PEX14: variants seen among roughly 807,000 people sequenced by gnomAD.
PEX14 encodes peroxisomal biogenesis factor 14, also known as peroxisomal membrane protein PEX14.
PEX14 carries 15 observed loss-of-function variants against 49.5 expected under a neutral mutation model. The ratio of observed to expected loss-of-function variants is 0.30; its 90% CI spans 0.20 to 0.47. PEX14 has a LOEUF of 0.47. PEX14 is among the 20% of genes least tolerant of loss of function. The pLI is 1.00. For synonymous variants in PEX14, 210 were observed against 212.7 expected, an observed-to-expected ratio of 0.99 and a Z score of 0.11; for missense variants, 398 against 494.8, an observed-to-expected ratio of 0.80 and a Z score of 1.86.
intron 3 of PEX14, among the ~76,000 whole-genome samples, chr1:10,545,165 A>G (rs1639132000): frequency 6.6e-6 from 1 of 152,146 alleles, no homozygotes; most frequent in African/African-American, 2.4e-5. Flanking sequence ...AAGTTTGGCC[A>G]TGTTGTTGTA....
Position 10,560,725 on chromosome 1 carries a change from T to TA in PEX14, c.169+24428_169+24429insA, listed in dbSNP as rs555374662. On this transcript the variant is annotated intron_variant, in intron 3 of 8. Transcript: ENST00000356607. ...TTGTTAACATTTTGCCACCTTTTTTTTTTTTTTTTTGAGACGGAGTCTTGC... is the reference window on the plus strand; with the variant it reads ...TTGTTAACATTTTGCCACCTTTTTTTATTTTTTTTTTGAGACGGAGTCTTGC... 3.3e-5 allele frequency among the ~76,000 whole-genome samples: 5 copies of TA among 150,350 alleles called. No homozygotes were observed. The East Asian group carries it at 9.8e-4, about 29-fold the overall frequency.
chr1:10,569,450 C>T (rs1639908001), intron 3 of PEX14, among the ~76,000 whole-genome samples: 1 of 152,200 alleles, frequency 6.6e-6, no homozygotes, highest in South Asian at 2.1e-4. Context: ...CCCGCCCTCC[C>T]ACTGCAGTCT....
At chr1:10,488,122 G>C (rs1468018232) in intron 1 of PEX14, among the ~76,000 whole-genome samples, 1 of 152,006 alleles carries the variant, frequency 6.6e-6, no homozygotes, top group African/African-American at 2.4e-5. Context: ...TATATATTTA[G>C]TTTTAAAAAT....
rs935971896 is a variant in PEX14 at position 10,630,183 on chromosome 1, GCCAGCC to G, written c.*219_*224del. On this transcript the variant is annotated 3_prime_UTR_variant, in exon 9 of 9. Transcript: ENST00000356607. The surrounding 1 kb of genome is among the most constrained non-coding windows in gnomAD (Gnocchi z 4.1). The stretch of plus-strand genomic sequence containing the variant: ...CCACCTGGCCTCCTCTCGCCTGGCC[GCCAGCC>G]CCAGCCCCAGCCCCAGCCCCAGGCC... 21 of 828,336 alleles carry G rather than the reference GCCAGCC, an allele frequency of 2.5e-5. No individual in the cohort carries two copies. Among genetic ancestry groups the G allele is most frequent in the East Asian group, 1.4e-4 (5 of 37,024 alleles). 51.3% of individuals were successfully genotyped at this position (828,336 alleles called of 1,614,324 possible). A position where few individuals can be genotyped will look rare whatever the true frequency, so the allele number is the denominator to read the frequency against.
Position 10,495,050 on chromosome 1 carries a change from C to G in PEX14, c.37-224C>G, listed in dbSNP as rs1641534624. 2.1e-6 allele frequency: 2 copies of G among 964,276 alleles called. No individual in the cohort carries two copies. Among genetic ancestry groups the G allele is most frequent in the South Asian group, 9.6e-5 (2 of 20,900 alleles). 59.7% of individuals were successfully genotyped at this position (964,276 alleles called of 1,614,324 possible). A position where few individuals can be genotyped will look rare whatever the true frequency, so the allele number is the denominator to read the frequency against. ...AAGCCTTGTTCTTGGAGTGGTGTGA[C>G]AAGTGAACCCAGAAACAGTCTTCAT... On this transcript the variant is annotated intron_variant, in intron 1 of 8. Coordinates refer to ENST00000356607, the MANE Select transcript of PEX14 (RefSeq NM_004565.3). This position sits in a 1 kb window ranked among gnomAD's most constrained non-coding sequence, Gnocchi z 4.2.
At chr1:10,603,231 C>T (rs1436503739) in intron 4 of PEX14, among the ~76,000 whole-genome samples, 4 of 152,192 alleles carry the variant, frequency 2.6e-5, no homozygotes, top group African/African-American at 4.8e-5. Context: ...ATCTACTATA[C>T]GGTCAGTACT....
At chr1:10,614,807 T>C (rs1228046628) in intron 4 of PEX14, among the ~76,000 whole-genome samples, 3 of 152,198 alleles carry the variant, frequency 2.0e-5, no homozygotes, top group Non-Finnish European at 4.4e-5. Context: ...GCAGGGACTC[T>C]GAGAGAGCGG....
At chr1:10,536,099 G>T in intron 2 of PEX14, 114 bp from the exon 3 acceptor site, 1 of 754,384 alleles carries the variant, frequency 1.3e-6, no homozygotes, top group South Asian at 1.4e-5. Flanking sequence ...TTATAAATTT[G>T]ACCACAATAG....
At position 10,594,477 on chromosome 1, in the gene PEX14, G is replaced by A. The variant is rs533842563; in HGVS notation, c.170-4761G>A. ...TCACTGGCCCCCTGGCCCTGTTCCC[G>A]TGATCCCAGTCAGATGCCACATTTT... On this transcript the variant is annotated intron_variant, in intron 3 of 8. Transcript: ENST00000356607. 3.3e-5 allele frequency among the ~76,000 whole-genome samples: 5 copies of A among 152,318 alleles called. No homozygotes were observed. The East Asian group carries it at 7.7e-4, about 24-fold the overall frequency.
intron 1 of PEX14, among the ~76,000 whole-genome samples, chr1:10,483,178 CA>C (rs915115535): frequency 3.7e-4 from 57 of 152,284 alleles, no homozygotes; most frequent in African/African-American, 1.3e-3. Context: ...ATTTTTGAGA[CA>C]GGGTCTCACT....
Position 10,514,036 on chromosome 1 carries a change from A to G in PEX14, c.84+18715A>G, listed in dbSNP as rs1433809449. Among the ~76,000 whole-genome samples, 1 of 152,186 alleles carries G rather than the reference A, an allele frequency of 6.6e-6. No individual in the cohort carries two copies. Among genetic ancestry groups the G allele is most frequent in the Non-Finnish European group, 1.5e-5 (1 of 68,040 alleles). ...CCGCTCCCTGTAATTATTTAACATT[A>G]TATGCTGATATAAATTGTAACAGTT... On this transcript the variant is annotated intron_variant, in intron 2 of 8. Transcript: ENST00000356607. This position sits in a 1 kb window ranked among gnomAD's most constrained non-coding sequence, Gnocchi z 4.4.
At chr1:10,608,336 A>T (rs1056811626) in intron 4 of PEX14, among the ~76,000 whole-genome samples, 3 of 152,220 alleles carry the variant, frequency 2.0e-5, no homozygotes, top group African/African-American at 7.2e-5. Flanking sequence ...TCAAAAGATT[A>T]TCTTATCCGC....
At chr1:10,517,145 G>A (rs1455652987) in intron 2 of PEX14, 1 of 152,276 alleles carries the variant, frequency 6.6e-6, no homozygotes, top group Non-Finnish European at 1.5e-5. Context: ...AGAGGAGCAC[G>A]TGAACCAGGG....
At chr1:10,501,851 C>G (rs577853751) in intron 2 of PEX14, among the ~76,000 whole-genome samples, 9 of 152,260 alleles carry the variant, frequency 5.9e-5, no homozygotes, top group Admixed American at 5.9e-4. Context: ...GTTGAGGCTA[C>G]AGTGAGCTGT....
chr1:10,616,984 C>G (rs1358933694), intron 4 of PEX14: 4 of 151,972 alleles, frequency 2.6e-5, no homozygotes, highest in Non-Finnish European at 5.9e-5. Context: ...CCTCCTGGAG[C>G]AGGGGACCAC....
intron 3 of PEX14, among the ~76,000 whole-genome samples, chr1:10,595,105 C>T (rs184658553): frequency 1.1e-3 from 167 of 152,244 alleles, no homozygotes; most frequent in African/African-American, 3.1e-3. Flanking sequence ...CAGTCATCTC[C>T]GGTCCAGGGA....
intron 5 of PEX14, among the ~76,000 whole-genome samples, chr1:10,621,342 C>CTTTTT (rs930417764): frequency 8.3e-5 from 9 of 108,026 alleles, no homozygotes; most frequent in Non-Finnish European, 9.6e-5. Context: ...TATATGAATT[C>CTTTTT]TTTTTTTTTT....
chr1:10,618,611 G>A (rs913613483), intron 5 of PEX14, among the ~76,000 whole-genome samples, 194 bp downstream of exon 5: 5 of 152,224 alleles, frequency 3.3e-5, no homozygotes, highest in African/African-American at 1.2e-4. Flanking sequence ...GGCTTGGCAG[G>A]CTCTGCCCAC....
chr1:10,515,325 C>T (rs569351930), intron 2 of PEX14, among the ~76,000 whole-genome samples: 2 of 151,690 alleles, frequency 1.3e-5, no homozygotes, highest in South Asian at 4.2e-4. Context: ...CATAAATTAT[C>T]TTAGAAAAAT....
Sources: allele counts gnomAD v4.1 joint callset (sites outside exome capture counted in the v4.1 genomes callset), GRCh38; gene constraint gnomAD v4.1.1; non-coding constraint Gnocchi (gnomAD v3.1); transcripts MANE v1.5; gene names NCBI Gene and HGNC (gene_info 2026-07-23, HGNC 2026-07-21).